The following STXBP5L variants were observed in gnomAD, a reference collection of about 807,000 sequenced individuals.
The protein encoded by STXBP5L is syntaxin-binding protein 5-like.
Under a neutral mutation model 144.5 loss-of-function variants are expected in STXBP5L, and 65 were observed. That is an observed-to-expected ratio of 0.45 (90% CI 0.37 to 0.55). The LOEUF (loss-of-function observed/expected upper bound fraction) is 0.55, where lower values mean the gene tolerates loss of function less well. Among genes scored for constraint, STXBP5L ranks in the 20% least tolerant of loss-of-function variants. The pLI is 0.00. For synonymous variants in STXBP5L, 505 were observed against 469.6 expected (o/e 1.08, Z -0.97); for missense variants, 1,298 against 1,405.5 (o/e 0.92, Z 1.22).
intron 5 of STXBP5L, among the ~76,000 whole-genome samples, chr3:121,090,586 A>G (rs1014571463): frequency 6.6e-6 from 1 of 152,140 alleles, no homozygotes; most frequent in Non-Finnish European, 1.5e-5. Context: ...AGTTTAGTTA[A>G]TTATGATTAA....
At chr3:121,089,890 CATT>C (rs2042693774) in intron 5 of STXBP5L, among the ~76,000 whole-genome samples, 1 of 151,898 alleles carries the variant, frequency 6.6e-6, no homozygotes, top group South Asian at 2.1e-4. Flanking sequence ...AAATTTTCTT[CATT>C]ATATTTTAAG....
chr3:121,100,431 A>G (rs2043358201), intron 5 of STXBP5L, among the ~76,000 whole-genome samples: 1 of 151,862 alleles, frequency 6.6e-6, no homozygotes, highest in Non-Finnish European at 1.5e-5. Flanking sequence ...AAAATAATCA[A>G]TACCAAGATC....
intron 20 of STXBP5L, 67 bp from the exon 21 acceptor site, chr3:121,378,649 A>T: frequency 6.8e-7 from 1 of 1,473,220 alleles, no homozygotes; most frequent in Non-Finnish European, 9.1e-7. Flanking sequence ...GTTAATCTAC[A>T]CGCTTGTATT....
At chr3:121,365,034 A>G (rs1049867675) in intron 20 of STXBP5L, among the ~76,000 whole-genome samples, 13 of 151,554 alleles carry the variant, frequency 8.6e-5, no homozygotes, top group Admixed American at 6.6e-5. Context: ...TATTTATTTT[A>G]TTAATTTGTA....
intron 20 of STXBP5L, among the ~76,000 whole-genome samples, chr3:121,348,028 C>T (rs951325586): frequency 6.6e-6 from 1 of 151,874 alleles, no homozygotes; most frequent in East Asian, 1.9e-4. Flanking sequence ...GCATCCCTGT[C>T]TTGTACCAGT....
At position 121,418,497 on chromosome 3, in the gene STXBP5L, GGAAGA is replaced by G; in HGVS notation, c.3391_3395del (p.Glu1131AsnfsTer17). 1.2e-6 allele frequency: 2 copies of G among 1,613,970 alleles called. No homozygotes were observed. The highest frequency in any genetic ancestry group is 2.7e-5 in the African/African-American group (2 of 75,000). On this transcript the variant is annotated frameshift_variant, in exon 26 of 27. Coordinates refer to ENST00000471454, the MANE Select transcript of STXBP5L (RefSeq NM_001308330.2). LOFTEE classifies it high-confidence loss of function. ...AAAGAGGACAGAGGCTAGGAGAGCT[GGAAGA>G]GAAAACTGCAGGCATGATGACCAGT...
chr3:120,951,308 C>T (rs1313747066), intron 2 of STXBP5L, among the ~76,000 whole-genome samples: 1 of 152,148 alleles, frequency 6.6e-6, no homozygotes, highest in African/African-American at 2.4e-5. Flanking sequence ...CAAATGCGAT[C>T]TAATTAAACT....
At chr3:121,285,195 A>G (rs949823449) in intron 19 of STXBP5L, among the ~76,000 whole-genome samples, 1 of 152,028 alleles carries the variant, frequency 6.6e-6, no homozygotes, top group Non-Finnish European at 1.5e-5. Context: ...TCAGTGTTAT[A>G]TTATCCACTA....
chr3:120,923,283 G>C (rs1425561025), intron 2 of STXBP5L, among the ~76,000 whole-genome samples: 11 of 151,548 alleles, frequency 7.3e-5, no homozygotes, highest in Non-Finnish European at 3.0e-5. Flanking sequence ...ATTTTCAAAA[G>C]CAAGCTTTTC....
At chr3:121,338,644 GAGAGAAAGAAAA>G (rs375799974) in intron 20 of STXBP5L, among the ~76,000 whole-genome samples, 35 of 143,754 alleles carry the variant, frequency 2.4e-4, no homozygotes, top group African/African-American at 8.5e-4. Flanking sequence ...GAAAGAGAAA[GAGAGAAAGAAAA>G]AGAGAAAGAA....
intron 2 of STXBP5L, among the ~76,000 whole-genome samples, chr3:120,945,569 T>C (rs539007570): frequency 2.3e-4 from 35 of 151,902 alleles, no homozygotes; most frequent in African/African-American, 8.2e-4. Flanking sequence ...TGTCCAAATA[T>C]GTTGAATTTA....
At chr3:120,958,374 T>C (rs996562710) in intron 3 of STXBP5L, among the ~76,000 whole-genome samples, 6 of 151,984 alleles carry the variant, frequency 3.9e-5, no homozygotes. Context: ...TTCCAATCAA[T>C]AGAAAAAGAG....
At chr3:121,213,279 A>C (rs2048650762) in intron 10 of STXBP5L, among the ~76,000 whole-genome samples, 1 of 151,892 alleles carries the variant, frequency 6.6e-6, no homozygotes, top group South Asian at 2.1e-4. Flanking sequence ...CCTCATCCTT[A>C]TCTTGTGCCT....
chr3:121,184,158 C>T (rs568321935), intron 9 of STXBP5L, among the ~76,000 whole-genome samples: 1 of 152,030 alleles, frequency 6.6e-6, no homozygotes, highest in East Asian at 1.9e-4. Flanking sequence ...GCCTCTTCTC[C>T]TCCAAAGGTT....
At chr3:121,107,186 G>C (rs1374189539) in intron 5 of STXBP5L, among the ~76,000 whole-genome samples, 1 of 149,934 alleles carries the variant, frequency 6.7e-6, no homozygotes, top group African/African-American at 2.4e-5. Context: ...TCTCCCATTA[G>C]TTTCTTTTGC....
chr3:121,322,378 T>C (rs1441928939), intron 20 of STXBP5L, among the ~76,000 whole-genome samples: 2 of 150,068 alleles, frequency 1.3e-5, no homozygotes, highest in African/African-American at 4.9e-5. Flanking sequence ...CTAGGGAGGC[T>C]GAGGCAGGAG....
chr3:121,200,975 G>T (rs907810467), intron 9 of STXBP5L, among the ~76,000 whole-genome samples: 1 of 152,210 alleles, frequency 6.6e-6, no homozygotes, highest in African/African-American at 2.4e-5. Context: ...TTGTGGTGGA[G>T]AGTTCTGCAG....
intron 9 of STXBP5L, among the ~76,000 whole-genome samples, chr3:121,194,378 G>A (rs34552103): frequency 0.093 from 14,079 of 151,916 alleles, 1,230 homozygotes; most frequent in East Asian, 0.49. Context: ...ATTTATTGGT[G>A]AATAAGATTC....
Position 121,003,311 on chromosome 3 carries a change from GA to G in STXBP5L, c.288-38388del, listed in dbSNP as rs569502529. On this transcript the variant is annotated intron_variant, in intron 3 of 26. Transcript: ENST00000471454. ...TTACATTTCTCTGATGGCCAGTGAT[GA>G]TGAGCATTTTTTCATGTGTCTTTTG... Among the ~76,000 whole-genome samples the G allele has an allele frequency of 1.6e-3, 247 of 152,272 alleles. 1 individual carries two copies. The highest frequency in any genetic ancestry group is 5.7e-3 in the African/African-American group (238 of 41,562).
Sources: gnomAD v4.1 joint callset for allele counts (sites outside exome capture counted in the v4.1 genomes callset) on GRCh38, gnomAD v4.1.1 for gene constraint, MANE v1.5 for transcripts, NCBI Gene and HGNC (gene_info 2026-07-23, HGNC 2026-07-21) for gene names.